Variants in GALNT8 observed in about 807,000 individuals in gnomAD.
The protein encoded by GALNT8 is polypeptide N-acetylgalactosaminyltransferase 8.
Under a neutral mutation model 62.7 loss-of-function variants are expected in GALNT8, and 66 were observed. The observed-to-expected ratio is 1.05, with a 90% CI of 0.86 to 1.29. The LOEUF is 1.29. GALNT8 is among the 50% of genes most tolerant of loss of function. The probability of loss-of-function intolerance (pLI) is 0.00; values close to 1 mark genes in which losing one functional copy is unlikely to be tolerated. For synonymous variants in GALNT8, 288 were observed against 294.3 expected (o/e 0.98, Z 0.22); for missense variants, 771 against 791.8 (o/e 0.97, Z 0.32).
chr12:4,764,437 G>A (rs151129691), intron 9 of GALNT8, among the ~76,000 whole-genome samples: 1 of 151,774 alleles, frequency 6.6e-6, no homozygotes, highest in African/African-American at 2.4e-5. Flanking sequence ...CTCCTATAGC[G>A]AAGGAAGCAG....
rs183453068 is a variant in GALNT8, at chr12:4,771,947, G to A, written c.1762-498G>A. On this transcript the variant is annotated intron_variant, in intron 10 of 10. Transcript: ENST00000252318. The stretch of plus-strand genomic sequence containing the variant: ...CATGTTCCCAGTTATAAACCTTAGC[G>A]AAGTCCCCTCAATAGGAGAGGCGGG... Among the ~76,000 whole-genome samples, 34 of 152,302 alleles carry A rather than the reference G, an allele frequency of 2.2e-4. No individual in the cohort carries two copies. The East Asian group carries it at 2.7e-3, about 12-fold the overall frequency.
chr12:4,743,862 G>A (rs997178665), intron 3 of GALNT8, among the ~76,000 whole-genome samples: 5 of 152,170 alleles, frequency 3.3e-5, no homozygotes, highest in East Asian at 3.8e-4. Context: ...TTACTTACAC[G>A]TGAGGAAGTC....
chr12:4,761,072 C>G lies in GALNT8; in HGVS notation c.1288C>G (p.Leu430Val). ...DLTAALKRNA[L>V]RVAEIWMDEH... is the part of the protein sequence containing the mutation. Reference sequence around the variant, plus strand: ...CACCGCTGCCTTGAAGCGCAATGCTCTGCGAGTGGCCGAAATCTGGATGGA... The same window carrying G: ...CACCGCTGCCTTGAAGCGCAATGCTGTGCGAGTGGCCGAAATCTGGATGGA... Residue 430 changes from leucine (L) to valine (V), a missense_variant, in exon 7 of 11, where the codon CTG (leucine) becomes GTG (valine). Transcript: ENST00000252318. 6.2e-7 allele frequency: 1 copy of G among 1,614,084 alleles called. No individual in the cohort carries two copies. Among genetic ancestry groups the G allele is most frequent in the Non-Finnish European group, 8.5e-7 (1 of 1,180,016 alleles).
chr12:4,742,837 C>T (rs781423300), intron 3 of GALNT8, among the ~76,000 whole-genome samples: 3 of 151,930 alleles, frequency 2.0e-5, no homozygotes, highest in Non-Finnish European at 4.4e-5. Flanking sequence ...GGGAGGAGAC[C>T]GGTAGGAGGG....
intron 6 of GALNT8, 92 bp downstream of exon 6, chr12:4,746,350 A>G: frequency 1.3e-6 from 1 of 784,052 alleles, no homozygotes; most frequent in East Asian, 2.5e-5. Context: ...ACAAGGCTGA[A>G]TGTCATTGGC....
rs761488313 is a variant in GALNT8 at position 4,744,606 on chromosome 12, A to G, written c.766A>G (p.Lys256Glu). 3 of 1,613,606 alleles carry G rather than the reference A, an allele frequency of 1.9e-6. No individual in the cohort carries two copies. Among genetic ancestry groups the G allele is most frequent in the Non-Finnish European group, 2.5e-6 (3 of 1,179,562 alleles). ...LLKIIRHPER[K>E]GLAQARNTGW... ...GAAAATAATACGGCATCCTGAAAGG[A>G]AAGGTCTTGCTCAAGCCCGCAACAC... The change falls in exon 4 of 11, where the codon AAA (lysine) becomes GAA (glutamate). Residue 256 changes from lysine to glutamate, a missense_variant. Transcript: ENST00000252318.
rs1304864325 is a variant in GALNT8, at chr12:4,720,614, T to A, written c.-64T>A. The A allele has an allele frequency of 5.5e-6, 6 of 1,083,232 alleles. No homozygotes were observed. In the East Asian group the frequency reaches 1.4e-4, roughly 26 times the overall value. 67.1% of individuals were successfully genotyped at this position (1,083,232 alleles called of 1,614,324 possible). A position where few individuals can be genotyped will look rare whatever the true frequency, so the allele number is the denominator to read the frequency against. ...CCACAAAAGCTAGGCTGGTTCTGAT[T>A]CTTAACCTGCTCCAGCAGTGACACA... is the stretch of plus-strand genomic sequence containing the variant. On this transcript the variant is annotated 5_prime_UTR_variant, in exon 1 of 11. Transcript: ENST00000252318.
At chr12:4,769,192 G>A (rs958582397) in intron 10 of GALNT8, among the ~76,000 whole-genome samples, 3 of 152,218 alleles carry the variant, frequency 2.0e-5, no homozygotes, top group Non-Finnish European at 4.4e-5. Context: ...GAGGAGTAGT[G>A]AGGAATAGTG....
At chr12:4,747,327 T>G (rs1946304396) in intron 6 of GALNT8, among the ~76,000 whole-genome samples, 1 of 152,204 alleles carries the variant, frequency 6.6e-6, no homozygotes, top group African/African-American at 2.4e-5. Context: ...TATTCATTCT[T>G]TGTGACTATT....
intron 1 of GALNT8, 115 bp downstream of exon 1, chr12:4,721,003 C>T (rs1284537370): frequency 1.2e-5 from 8 of 675,452 alleles, no homozygotes; most frequent in Non-Finnish European, 1.6e-5. Context: ...TCATCTCAGT[C>T]GCTCATTGAA....
chr12:4,760,919 G>C (rs558918630), intron 6 of GALNT8, 39 bp from the exon 7 acceptor site: 2 of 1,565,602 alleles, frequency 1.3e-6, no homozygotes, highest in Admixed American at 3.4e-5. Context: ...CAATTCATTG[G>C]CTGTGAAGCA....
Position 4,749,773 on chromosome 12 carries a change from C to T in GALNT8, c.1173+3515C>T, listed in dbSNP as rs1324040902. On this transcript the variant is annotated intron_variant, in intron 6 of 10. Coordinates refer to ENST00000252318, the MANE Select transcript of GALNT8 (RefSeq NM_017417.2). This position sits in a 1 kb window ranked among gnomAD's most constrained non-coding sequence, Gnocchi z 4.1. ...TCTTTAAATATTCGGTAGAAATCAA[C>T]AGTGAAACCACTGAGTCCCAGGTTT... Among the ~76,000 whole-genome samples the T allele has an allele frequency of 1.3e-5, 2 of 152,038 alleles. No homozygotes were observed. Among genetic ancestry groups the T allele is most frequent in the Non-Finnish European group, 2.9e-5 (2 of 67,998 alleles).
At chr12:4,751,252 G>A (rs542492092) in intron 6 of GALNT8, among the ~76,000 whole-genome samples, 1 of 152,130 alleles carries the variant, frequency 6.6e-6, no homozygotes, top group South Asian at 2.1e-4. Context: ...AAAAGCAATA[G>A]CAACAAAAGG....
chr12:4,720,931 G>T, intron 1 of GALNT8, 43 bp downstream of exon 1: 1 of 1,220,902 alleles, frequency 8.2e-7, no homozygotes, highest in Admixed American at 1.7e-5. Flanking sequence ...GTGTGGGTGT[G>T]TGTGTTTGGG....
Position 4,722,445 on chromosome 12 carries a change from AG to A in GALNT8, c.211+1560del, listed in dbSNP as rs369140507. Among the ~76,000 whole-genome samples the A allele has an allele frequency of 2.4e-3, 367 of 152,338 alleles. 2 individuals carry two copies. Among genetic ancestry groups the A allele is most frequent in the African/African-American group, 8.2e-3 (340 of 41,564 alleles). On this transcript the variant is annotated intron_variant, in intron 1 of 10. Coordinates refer to ENST00000252318, the MANE Select transcript of GALNT8 (RefSeq NM_017417.2). ...GTGATAGTTATCAACCTGACCTAATAGGGTTGTGAAGTAGATGCAGAAGGTG... is the reference window on the plus strand; with the variant it reads ...GTGATAGTTATCAACCTGACCTAATAGGTTGTGAAGTAGATGCAGAAGGTG...
intron 1 of GALNT8, among the ~76,000 whole-genome samples, chr12:4,722,200 G>A (rs66703365): frequency 0.13 from 20,181 of 152,138 alleles, 1,521 homozygotes; most frequent in Middle Eastern, 0.2. Context: ...CTTTCCCCAC[G>A]CCTATGTGTG....
intron 6 of GALNT8, among the ~76,000 whole-genome samples, chr12:4,754,930 C>G (rs1946337906): frequency 6.6e-6 from 1 of 152,174 alleles, no homozygotes; most frequent in African/African-American, 2.4e-5. Flanking sequence ...ACAACTCTGA[C>G]TGATTTCCTA....
Position 4,763,812 on chromosome 12 carries a change from C to G in GALNT8, c.1498-140C>G. On this transcript the variant is annotated intron_variant, in intron 8 of 10. Coordinates refer to ENST00000252318, the MANE Select transcript of GALNT8 (RefSeq NM_017417.2). ...TTCCCAGTGCTTAGAAAATGCCTGC[C>G]GGGATCCCAGCCCTCTGCTCCTTGT... 3 of 643,774 alleles carry G rather than the reference C, an allele frequency of 4.7e-6. 1 individual carries two copies. In the South Asian group the frequency reaches 5.4e-5, roughly 12 times the overall value. The allele number at this position is 643,774 out of a possible 1,614,324, so 39.9% of individuals were successfully genotyped here.
At position 4,761,008 on chromosome 12, in the gene GALNT8, C is replaced by G; in HGVS notation, c.1224C>G (p.Ala408=). ...KVEILPCSRI[A]HLERHHKPYA... ...AGATTTTGCCCTGTTCCCGGATTGCCCACCTAGAGAGACACCACAAGCCCT... is the reference window on the plus strand; with the variant it reads ...AGATTTTGCCCTGTTCCCGGATTGCGCACCTAGAGAGACACCACAAGCCCT... Residue 408 remains alanine, a synonymous_variant, in exon 7 of 11, where the codon GCC becomes GCG. Coordinates refer to ENST00000252318, the MANE Select transcript of GALNT8 (RefSeq NM_017417.2). The G allele has an allele frequency of 6.2e-7, 1 of 1,614,072 alleles. No individual in the cohort carries two copies. Among genetic ancestry groups the G allele is most frequent in the Non-Finnish European group, 8.5e-7 (1 of 1,180,004 alleles).
Sources: allele counts gnomAD v4.1 joint callset (sites outside exome capture counted in the v4.1 genomes callset), GRCh38; gene constraint gnomAD v4.1.1; non-coding constraint Gnocchi (gnomAD v3.1); transcripts MANE v1.5; gene names NCBI Gene and HGNC (gene_info 2026-07-23, HGNC 2026-07-21).